The following USP46 variants were observed in gnomAD, a reference collection of about 807,000 sequenced individuals.
USP46 encodes the protein ubiquitin carboxyl-terminal hydrolase 46.
Under a neutral mutation model 44.4 loss-of-function variants are expected in USP46, and 12 were observed. The ratio of observed to expected loss-of-function variants is 0.27; its 90% CI spans 0.17 to 0.44. The LOEUF (loss-of-function observed/expected upper bound fraction) is 0.44. USP46 is among the 20% of genes least tolerant of loss of function. The probability of loss-of-function intolerance (pLI) is 1.00; values close to 1 mark genes in which losing one functional copy is unlikely to be tolerated. For missense variants in USP46, 248 were observed against 444.8 expected (o/e 0.56, Z 3.98); for synonymous variants, 155 against 161.5 (o/e 0.96, Z 0.31).
chr4:52,621,876 A>G (rs1005640524), intron 4 of USP46, among the ~76,000 whole-genome samples: 1 of 152,232 alleles, frequency 6.6e-6, no homozygotes, highest in African/African-American at 2.4e-5. Context: ...ATAGAAGAAC[A>G]GAAAAACAAA....
chr4:52,600,960 T>C (rs1171487072), intron 7 of USP46, among the ~76,000 whole-genome samples: 1 of 152,148 alleles, frequency 6.6e-6, no homozygotes, highest in African/African-American at 2.4e-5. Context: ...CAGGATAAAA[T>C]ATGGGGTGCT....
chr4:52,652,801 G>A (rs1343516772), intron 1 of USP46, among the ~76,000 whole-genome samples: 2 of 152,124 alleles, frequency 1.3e-5, no homozygotes, highest in Non-Finnish European at 2.9e-5. Flanking sequence ...GGACTCATAG[G>A]TGGTTTTAAA....
At chr4:52,636,954 G>A (rs1278255653) in intron 1 of USP46, among the ~76,000 whole-genome samples, 1 of 151,644 alleles carries the variant, frequency 6.6e-6, no homozygotes, top group African/African-American at 2.4e-5. Context: ...GGACTTACAG[G>A]TGCATAACCC....
intron 1 of USP46, among the ~76,000 whole-genome samples, chr4:52,640,968 C>T (rs532730132): frequency 6.6e-6 from 1 of 151,362 alleles, no homozygotes; most frequent in Non-Finnish European, 1.5e-5. Flanking sequence ...ATTTCAGTCA[C>T]TTTACCTCTC....
Position 52,659,224 on chromosome 4 carries a change from T to G in USP46, c.-74A>C. ...ACCGGGACTGCCCATGGTGGCGCGC[T>G]GGCGGGGAGGCCGGGCGGCAGCGCG... On this transcript the variant is annotated 5_prime_UTR_variant, in exon 1 of 9. Coordinates refer to ENST00000441222, the MANE Select transcript of USP46 (RefSeq NM_022832.4). This position sits in a 1 kb window ranked among gnomAD's most constrained non-coding sequence, Gnocchi z 4.2. 1.6e-6 allele frequency: 2 copies of G among 1,267,692 alleles called. No homozygotes were observed. Among genetic ancestry groups the G allele is most frequent in the Admixed American group, 2.9e-5 (1 of 34,628 alleles). 78.5% of individuals were successfully genotyped at this position (1,267,692 alleles called of 1,614,324 possible).
chr4:52,632,904 GAGAAAGAAAGAAAGAGAAAGAAAGAA>G (rs1717895538), intron 1 of USP46, among the ~76,000 whole-genome samples: 2 of 86,882 alleles, frequency 2.3e-5, no homozygotes, highest in African/African-American at 4.2e-5. Flanking sequence ...GGAAGGGAAA[GAGAAAGAAAGAAAGAGAAAGAAAGAA>G]AGAAAGAAAG....
intron 5 of USP46, among the ~76,000 whole-genome samples, 161 bp downstream of exon 5, chr4:52,610,380 T>C (rs900696998): frequency 6.6e-6 from 1 of 152,106 alleles, no homozygotes; most frequent in African/African-American, 2.4e-5. Flanking sequence ...GGGACTCTTC[T>C]CCAGACCACA....
intron 4 of USP46, among the ~76,000 whole-genome samples, chr4:52,625,761 C>T (rs1483497235): frequency 6.6e-6 from 1 of 152,096 alleles, no homozygotes; most frequent in African/African-American, 2.4e-5. Flanking sequence ...TCTGTAGACC[C>T]CAAAATTTCC....
rs1716160227 is a variant in USP46, at chr4:52,594,794, G to A, written c.*2846C>T. The stretch of plus-strand genomic sequence containing the variant: ...TTTATCTTAAACCCAAAATACACCA[G>A]GCCATAAAACCAAATATGATTGACT... On this transcript the variant is annotated 3_prime_UTR_variant, in exon 9 of 9. Transcript: ENST00000441222. 6.6e-6 allele frequency: 1 copy of A among 152,076 alleles called. No individual in the cohort carries two copies. The allele number at this position is 152,076 out of a possible 1,614,324, so 9.4% of individuals were successfully genotyped here. A position where few individuals can be genotyped will look rare whatever the true frequency, so the allele number is the denominator to read the frequency against.
At chr4:52,635,889 G>C (rs1199623428) in intron 1 of USP46, among the ~76,000 whole-genome samples, 1 of 152,164 alleles carries the variant, frequency 6.6e-6, no homozygotes, top group East Asian at 1.9e-4. Flanking sequence ...GGAGAAGTGG[G>C]GGTGGAGGAT....
chr4:52,649,008 T>C (rs1360393834), intron 1 of USP46, among the ~76,000 whole-genome samples: 2 of 152,212 alleles, frequency 1.3e-5, no homozygotes, highest in Non-Finnish European at 2.9e-5. Context: ...TGGGCCTCTC[T>C]CTACCCGTGT....
chr4:52,630,445 C>T (rs753342745), intron 2 of USP46, among the ~76,000 whole-genome samples: 1 of 152,204 alleles, frequency 6.6e-6, no homozygotes, highest in Admixed American at 6.5e-5. Context: ...CCAAATGACA[C>T]AGGCAGAACA....
At chr4:52,599,130 G>A (rs1716354588) in intron 7 of USP46, among the ~76,000 whole-genome samples, 1 of 152,128 alleles carries the variant, frequency 6.6e-6, no homozygotes, top group African/African-American at 2.4e-5. Flanking sequence ...GAAGTGTCAT[G>A]GAGAAGGATG....
chr4:52,620,851 CA>C (rs1369945267), intron 4 of USP46, among the ~76,000 whole-genome samples: 4 of 152,312 alleles, frequency 2.6e-5, no homozygotes, highest in Non-Finnish European at 2.9e-5. Flanking sequence ...CATATTGCCC[CA>C]AACTGGCAAT....
Position 52,597,592 on chromosome 4 carries a change from G to A in USP46, c.*48C>T. 7.5e-7 allele frequency: 1 copy of A among 1,334,972 alleles called. No homozygotes were observed. The highest frequency in any genetic ancestry group is 1.0e-6 in the Non-Finnish European group (1 of 953,364). The allele number at this position is 1,334,972 out of a possible 1,614,324, so 82.7% of individuals were successfully genotyped here. On this transcript the variant is annotated 3_prime_UTR_variant, in exon 9 of 9. Transcript: ENST00000441222. ...AAGCCTGCGGAGAAGCCGGGTGACA[G>A]TGCTGTGAACATTCTCCCCACGTGA...
intron 7 of USP46, among the ~76,000 whole-genome samples, chr4:52,601,140 A>G (rs1220778956): frequency 2.6e-5 from 4 of 152,196 alleles, no homozygotes; most frequent in African/African-American, 9.7e-5. Context: ...ACATGCCCCA[A>G]TCTAAAACCT....
chr4:52,658,328 C>T, intron 1 of USP46: 2 of 455,560 alleles, frequency 4.4e-6, no homozygotes, highest in South Asian at 1.6e-5. Flanking sequence ...TTAAAGTGAC[C>T]ACCGCATCAT....
intron 1 of USP46, among the ~76,000 whole-genome samples, chr4:52,642,722 A>G (rs746512061): frequency 7.2e-5 from 11 of 152,176 alleles, no homozygotes; most frequent in Admixed American, 5.2e-4. Flanking sequence ...TTTTTTTCAA[A>G]ATCACTTCAA....
At chr4:52,638,661 G>A (rs1349331061) in intron 1 of USP46, among the ~76,000 whole-genome samples, 1 of 146,516 alleles carries the variant, frequency 6.8e-6, no homozygotes, top group Non-Finnish European at 1.5e-5. Context: ...TTTTTTTTAT[G>A]AAAAAAATAT....
Sources: gnomAD v4.1 joint callset for allele counts (sites outside exome capture counted in the v4.1 genomes callset) on GRCh38, gnomAD v4.1.1 for gene constraint, Gnocchi (gnomAD v3.1) non-coding constraint, MANE v1.5 for transcripts, NCBI Gene and HGNC (gene_info 2026-07-23, HGNC 2026-07-21) for gene names.